CNNM3: variants seen among roughly 807,000 people sequenced by gnomAD.
CNNM3 encodes metal transporter CNNM3.
Under a neutral mutation model 57.1 loss-of-function variants are expected in CNNM3, and 47 were observed. The ratio of observed to expected loss-of-function variants is 0.82; its 90% CI spans 0.65 to 1.05. The LOEUF (loss-of-function observed/expected upper bound fraction) is 1.05. CNNM3 is among the 50% of genes least tolerant of loss of function. The pLI, the probability that CNNM3 is intolerant of heterozygous loss-of-function variation, is 0.00. For synonymous variants in CNNM3, 507 were observed against 478.2 expected, an observed-to-expected ratio of 1.06 and a Z score of -0.79; for missense variants, 957 against 973.7, an observed-to-expected ratio of 0.98 and a Z score of 0.23.
chr2:96,822,720 C>A (rs2079428764), intron 1 of CNNM3, among the ~76,000 whole-genome samples: 1 of 152,214 alleles, frequency 6.6e-6, no homozygotes, highest in Admixed American at 6.5e-5. Context: ...TGAGGAGCGT[C>A]AGCACACTAC....
chr2:96,831,853 C>CTA (rs1391135935), intron 7 of CNNM3: 1 of 413,032 alleles, frequency 2.4e-6, no homozygotes, highest in Non-Finnish European at 3.3e-6. Context: ...GCCAGCTCTC[C>CTA]CTCAGCTTCC....
At chr2:96,831,792 T>G (rs764594505) in intron 7 of CNNM3, among the ~76,000 whole-genome samples, 1 of 152,250 alleles carries the variant, frequency 6.6e-6, no homozygotes, top group Non-Finnish European at 1.5e-5. Flanking sequence ...TGGCTTTCTC[T>G]GCCATCCTGA....
In CNNM3 at chr2:96,817,496, A is replaced by C; in HGVS notation, c.1219A>C (p.Lys407Gln). The change falls in exon 1 of 8, where the codon AAG becomes CAG. Residue 407 changes from lysine to glutamine, a missense_variant. Physicochemically the swap from Lys to Gln is moderately conservative, Grantham distance 53 (BLOSUM62 1). Coordinates refer to ENST00000305510, the MANE Select transcript of CNNM3 (RefSeq NM_017623.5). ...TKLDAVLEEF[K>Q]RGKSHLAIVQ... ...GCTGGACGCTGTCCTGGAGGAATTC[A>C]AGCGAGGTAACGGCCCGGGCATGGT... is the stretch of plus-strand genomic sequence containing the variant. 2 of 1,609,738 alleles carry C rather than the reference A, an allele frequency of 1.2e-6. No individual in the cohort carries two copies. Among genetic ancestry groups the C allele is most frequent in the South Asian group, 2.2e-5 (2 of 90,812 alleles).
intron 2 of CNNM3, 121 bp downstream of exon 2, chr2:96,825,322 C>T (rs1415271372): frequency 5.3e-5 from 67 of 1,262,650 alleles, no homozygotes; most frequent in African/African-American, 7.5e-5. Flanking sequence ...CACAGCCAGG[C>T]CCCCTTCTGA....
At chr2:96,830,757 G>T (rs2079588514) in intron 7 of CNNM3, among the ~76,000 whole-genome samples, 1 of 152,144 alleles carries the variant, frequency 6.6e-6, no homozygotes, top group Admixed American at 6.5e-5. Flanking sequence ...TCATACTCTG[G>T]GCTCAAGTGA....
intron 4 of CNNM3, 71 bp from the exon 5 acceptor site, chr2:96,828,028 C>G: frequency 2.5e-6 from 4 of 1,571,960 alleles, no homozygotes; most frequent in Non-Finnish European, 3.5e-6. Flanking sequence ...TGGTGGGTTT[C>G]TCCTTCCGCT....
intron 1 of CNNM3, among the ~76,000 whole-genome samples, chr2:96,818,965 C>T (rs1266502351): frequency 1.3e-5 from 2 of 152,238 alleles, no homozygotes; most frequent in Admixed American, 6.5e-5. Flanking sequence ...ATGACCGCTA[C>T]TCCTGACTGA....
rs181181448 is a variant in CNNM3, at chr2:96,824,963, G to A, written c.1226-95G>A. The A allele has an allele frequency of 2.6e-5, 37 of 1,426,156 alleles. No homozygotes were observed. In the African/African-American group the frequency reaches 2.8e-4, roughly 11 times the overall value. 88.3% of individuals were successfully genotyped at this position (1,426,156 alleles called of 1,614,324 possible). A position where few individuals can be genotyped will look rare whatever the true frequency, so the allele number is the denominator to read the frequency against. On this transcript the variant is annotated intron_variant, in intron 1 of 7. Transcript: ENST00000305510. The stretch of plus-strand genomic sequence containing the variant: ...CCTGGCACGTTGTAGGAGCATGAAC[G>A]TTAGCCGTGTCCTTTTGGTGGGCCT...
In CNNM3 at chr2:96,816,939, C is replaced by G. The variant is rs771750345; in HGVS notation, c.662C>G (p.Ala221Gly). The change falls in exon 1 of 8, where the codon GCG (alanine) becomes GGG (glycine). Residue 221 changes from alanine (A) to glycine (G), a missense_variant. This residue lies in a region of CNNM3 where 466 missense variants were observed against 403.1 expected (regional missense o/e 1.16). Transcript: ENST00000305510. Reference sequence around the variant, plus strand: ...CTGTACCGCGCGGCCGGCCAGCGTGCGGTGCCCGCCGTGTTGGGCAGCGCG... The same window carrying G: ...CTGTACCGCGCGGCCGGCCAGCGTGGGGTGCCCGCCGTGTTGGGCAGCGCG... ...VLLYRAAGQR[A>G]VPAVLGSAGL... The G allele has an allele frequency of 1.1e-4, 130 of 1,232,506 alleles. No homozygotes were observed. The highest frequency in any genetic ancestry group is 3.3e-4 in the Middle Eastern group (1 of 3,036). The allele number at this position is 1,232,506 out of a possible 1,614,324, so 76.3% of individuals were successfully genotyped here. A position where few individuals can be genotyped will look rare whatever the true frequency, so the allele number is the denominator to read the frequency against.
Position 96,825,156 on chromosome 2 carries a change from G to A in CNNM3, c.1324G>A (p.Glu442Lys), listed in dbSNP as rs779244735. The A allele has an allele frequency of 1.9e-6, 3 of 1,614,104 alleles. No individual in the cohort carries two copies. Among genetic ancestry groups the A allele is most frequent in the Non-Finnish European group, 2.5e-6 (3 of 1,180,014 alleles). Residue 442 changes from glutamate (E) to lysine (K), a missense_variant, in exon 2 of 8, where the codon GAG becomes AAG. Physicochemically the swap from Glu to Lys is moderately conservative, Grantham distance 56. Coordinates refer to ENST00000305510, the MANE Select transcript of CNNM3 (RefSeq NM_017623.5). ...CCTGGTCACCCTGGAGGACGTGATC[G>A]AGGAGATCATCAGGTCCGAGATCCT... ...LGLVTLEDVIEEIIRSEILDE... is the reference protein window; with the variant it reads ...LGLVTLEDVIKEIIRSEILDE...
chr2:96,821,203 C>T (rs1269537839), intron 1 of CNNM3, among the ~76,000 whole-genome samples: 1 of 152,188 alleles, frequency 6.6e-6, no homozygotes, highest in Non-Finnish European at 1.5e-5. Flanking sequence ...GCTTTTTTCT[C>T]TGCTTCTCTA....
chr2:96,826,923 A>C lies in CNNM3; in HGVS notation c.1460A>C (p.Glu487Ala), dbSNP rs774506985. ...TCCTTGTTCAAGGTGTCTGATGATG[A>C]ATATAAAGTAACAATCTCGCCTCAG... ...EFSLFKVSDD[E>A]YKVTISPQLL... Residue 487 changes from glutamate (E) to alanine (A), a missense_variant, in exon 3 of 8, where the codon GAA becomes GCA. Around this residue, in one of 2 missense-constraint regions of CNNM3, gnomAD observed 491 missense variants for 570.6 expected, o/e 0.86. Coordinates refer to ENST00000305510, the MANE Select transcript of CNNM3 (RefSeq NM_017623.5). The C allele has an allele frequency of 1.4e-5, 22 of 1,614,196 alleles. No homozygotes were observed. The highest frequency in any genetic ancestry group is 1.8e-5 in the Non-Finnish European group (21 of 1,180,034).
chr2:96,832,108 C>T (rs1162741037), intron 7 of CNNM3: 28 of 997,086 alleles, frequency 2.8e-5, no homozygotes, highest in Non-Finnish European at 3.3e-5. Context: ...ACTTCCCTTT[C>T]CTGGCCCTTC....
chr2:96,823,829 G>A (rs1349949070), intron 1 of CNNM3, among the ~76,000 whole-genome samples: 1 of 152,144 alleles, frequency 6.6e-6, no homozygotes, highest in Non-Finnish European at 1.5e-5. Context: ...CCCCTGTCCT[G>A]GACCTGTGCC....
intron 2 of CNNM3, among the ~76,000 whole-genome samples, chr2:96,826,358 G>A (rs2079504572): frequency 6.6e-6 from 1 of 152,002 alleles, no homozygotes; most frequent in Non-Finnish European, 1.5e-5. Context: ...GACTACAGGC[G>A]CATGCCACCA....
intron 2 of CNNM3, among the ~76,000 whole-genome samples, chr2:96,826,016 G>A (rs962178446): frequency 1.3e-5 from 2 of 152,148 alleles, no homozygotes; most frequent in African/African-American, 2.4e-5. Context: ...TGGCCGGGCC[G>A]CCTGCCCTGC....
At position 96,816,369 on chromosome 2, in the gene CNNM3, C is replaced by A; in HGVS notation, c.92C>A (p.Pro31Gln). Reference sequence around the variant, plus strand: ...GCCGCGGGGGAGGCCGCGCCGGGCCCGCGAGTGCTGGGCTTCTGCCTGGAG... The same window carrying A: ...GCCGCGGGGGAGGCCGCGCCGGGCCAGCGAGTGCTGGGCTTCTGCCTGGAG... ...GNAAGEAAPGPRVLGFCLEED... is the reference protein window; with the variant it reads ...GNAAGEAAPGQRVLGFCLEED... The change falls in exon 1 of 8, where the codon CCG becomes CAG. Residue 31 changes from proline (P) to glutamine (Q), a missense_variant. By Grantham distance (76) the Pro-to-Gln change is moderately conservative (BLOSUM62 -1). Coordinates refer to ENST00000305510, the MANE Select transcript of CNNM3 (RefSeq NM_017623.5). 1 of 1,327,774 alleles carries A rather than the reference C, an allele frequency of 7.5e-7. No homozygotes were observed. Among genetic ancestry groups the A allele is most frequent in the Non-Finnish European group, 9.6e-7 (1 of 1,038,472 alleles). The allele number at this position is 1,327,774 out of a possible 1,614,324, so 82.2% of individuals were successfully genotyped here.
intron 1 of CNNM3, chr2:96,824,444 A>G (rs746735163): frequency 6.5e-6 from 1 of 154,056 alleles, no homozygotes; most frequent in Non-Finnish European, 1.4e-5. Flanking sequence ...ACACACACAT[A>G]CACACAGTCT....
chr2:96,822,718 G>A (rs1279046491), intron 1 of CNNM3, among the ~76,000 whole-genome samples: 1 of 152,186 alleles, frequency 6.6e-6, no homozygotes, highest in African/African-American at 2.4e-5. Flanking sequence ...AGTGAGGAGC[G>A]TCAGCACACT....
Sources: allele counts gnomAD v4.1 joint callset (sites outside exome capture counted in the v4.1 genomes callset), GRCh38; gene constraint gnomAD v4.1.1; regional missense constraint gnomAD v4.1.1; transcripts MANE v1.5; gene names NCBI Gene and HGNC (gene_info 2026-07-23, HGNC 2026-07-21).